MTFR1: variants seen among roughly 807,000 people sequenced by gnomAD.
MTFR1 encodes the protein chondrocyte protein with a poly-proline region.
MTFR1 carries 28 observed loss-of-function variants against 38.8 expected under a neutral mutation model. The observed-to-expected ratio is 0.72, with a 90% CI of 0.53 to 0.99. MTFR1 has a LOEUF of 0.99. MTFR1 is among the 50% of genes least tolerant of loss of function. The probability of loss-of-function intolerance (pLI) is 0.00; values close to 1 mark genes in which losing one functional copy is unlikely to be tolerated. For missense variants in MTFR1, 358 were observed against 395.5 expected (o/e 0.91, Z 0.81); for synonymous variants, 145 against 137.0 (o/e 1.06, Z -0.41).
At chr8:65,730,492 A>G (rs566944528) in intron 3 of MTFR1, among the ~76,000 whole-genome samples, 3 of 151,952 alleles carry the variant, frequency 2.0e-5, no homozygotes, top group South Asian at 2.1e-4. Flanking sequence ...CACACTTCTT[A>G]TAAGAATCTA....
chr8:65,650,210 CTTTTTTTTTTT>C (rs768949769), intron 1 of MTFR1, among the ~76,000 whole-genome samples: 2 of 114,632 alleles, frequency 1.7e-5, no homozygotes, highest in Non-Finnish European at 3.3e-5. Context: ...TCCTTATACT[CTTTTTTTTTTT>C]TTTTTTTTTT....
At chr8:65,743,578 G>A (rs1223408802) in intron 3 of MTFR1, among the ~76,000 whole-genome samples, 1 of 152,128 alleles carries the variant, frequency 6.6e-6, no homozygotes, top group Non-Finnish European at 1.5e-5. Flanking sequence ...ATAGACAAAG[G>A]TATTTCCACT....
chr8:65,674,857 A>G (rs1349062352), intron 2 of MTFR1, among the ~76,000 whole-genome samples: 1 of 152,224 alleles, frequency 6.6e-6, no homozygotes, highest in African/African-American at 2.4e-5. Context: ...CCTGAGGTTC[A>G]GAGTGTTTAA....
At chr8:65,773,873 T>C (rs1027993691), downstream of MTFR1, among the ~76,000 whole-genome samples, 11 of 152,226 alleles carry the variant, frequency 7.2e-5, no homozygotes, top group African/African-American at 2.4e-4. Context: ...TTCTCTTATT[T>C]TACTAAATTC....
At chr8:65,767,293 C>T (rs1808838703) in intron 3 of MTFR1, among the ~76,000 whole-genome samples, 1 of 152,148 alleles carries the variant, frequency 6.6e-6, no homozygotes, top group South Asian at 2.1e-4. Flanking sequence ...GATTAGTTGT[C>T]ATGATACATT....
intron 1 of MTFR1, among the ~76,000 whole-genome samples, chr8:65,658,867 G>A (rs2129048614): frequency 6.6e-6 from 1 of 152,212 alleles, no homozygotes; most frequent in African/African-American, 2.4e-5. Context: ...TTCTAAAAGA[G>A]CTTAGAAAAA....
chr8:65,675,352 T>C (rs1804682542), intron 2 of MTFR1, among the ~76,000 whole-genome samples: 2 of 151,292 alleles, frequency 1.3e-5, no homozygotes, highest in African/African-American at 4.9e-5. Flanking sequence ...TCCCAGCACT[T>C]TGGGAGGCCG....
intron 3 of MTFR1, among the ~76,000 whole-genome samples, chr8:65,684,916 A>C (rs1805024855): frequency 6.6e-6 from 1 of 152,044 alleles, no homozygotes; most frequent in Non-Finnish European, 1.5e-5. Context: ...AGGCAGGAGA[A>C]TGGCTTGAAC....
intron 6 of MTFR1, among the ~76,000 whole-genome samples, chr8:65,707,628 T>C (rs1805823229): frequency 6.6e-6 from 1 of 152,260 alleles, no homozygotes; most frequent in Non-Finnish European, 1.5e-5. Context: ...GTCCATGTTC[T>C]GCAGACATAT....
At chr8:65,747,864 G>A in intron 3 of MTFR1, 2 of 1,000,932 alleles carry the variant, frequency 2.0e-6, no homozygotes, top group South Asian at 1.7e-5. Context: ...TGCTATCTTT[G>A]CAATACCACT....
At chr8:65,652,138 C>T (rs1242758353) in intron 1 of MTFR1, among the ~76,000 whole-genome samples, 2 of 151,930 alleles carry the variant, frequency 1.3e-5, no homozygotes, top group East Asian at 1.9e-4. Context: ...CCCACTCTGT[C>T]GCCCGGGCTG....
At chr8:65,753,498 G>A (rs778563547) in intron 3 of MTFR1, among the ~76,000 whole-genome samples, 1 of 152,128 alleles carries the variant, frequency 6.6e-6, no homozygotes, top group Non-Finnish European at 1.5e-5. Flanking sequence ...TTGTACTTCA[G>A]GGTGAGCTCC....
chr8:65,732,766 G>A, intron 3 of MTFR1, among the ~76,000 whole-genome samples: 1 of 152,256 alleles, frequency 6.6e-6, no homozygotes, highest in East Asian at 1.9e-4. Context: ...TCTTGCCCTG[G>A]CCTCCCAAAG....
chr8:65,662,988 G>T (rs183655126), intron 1 of MTFR1, among the ~76,000 whole-genome samples: 28,529 of 149,224 alleles, frequency 0.19, 2,878 homozygotes, highest in Middle Eastern at 0.24. Context: ...TACTGGGAAG[G>T]GAGGAGCCCC....
chr8:65,671,568 A>G (rs1804570059), intron 2 of MTFR1, among the ~76,000 whole-genome samples: 1 of 150,548 alleles, frequency 6.6e-6, no homozygotes, highest in African/African-American at 2.4e-5. Flanking sequence ...AAAGAACTTC[A>G]CTTAGCTCAG....
Position 65,715,815 on chromosome 8 carries a change from C to T in MTFR1, c.382-3565C>T, listed in dbSNP as rs184956886. Among the ~76,000 whole-genome samples the T allele has an allele frequency of 7.7e-3, 1,150 of 150,060 alleles. 6 individuals are homozygous for T. The highest frequency in any genetic ancestry group is 0.025 in the African/African-American group (1,038 of 41,140). Reference sequence around the variant, plus strand: ...CCTGGCTAACATGGTGAAACCCTAACTCTACTAATAAAGTACAAAAAAATT... The same window carrying T: ...CCTGGCTAACATGGTGAAACCCTAATTCTACTAATAAAGTACAAAAAAATT... On this transcript the variant is annotated intron_variant, in intron 2 of 3. Coordinates refer to the MTFR1 transcript ENST00000521247.
chr8:65,644,053 G>A (rs1414604240), upstream of MTFR1, among the ~76,000 whole-genome samples: 1 of 152,108 alleles, frequency 6.6e-6, no homozygotes, highest in Non-Finnish European at 1.5e-5. Context: ...ACCCTACATA[G>A]GAATCTTTCA....
intron 1 of MTFR1, among the ~76,000 whole-genome samples, chr8:65,653,164 A>G (rs917853975): frequency 1.1e-4 from 16 of 152,232 alleles, no homozygotes; most frequent in African/African-American, 2.7e-4. Context: ...CTTTGATTGC[A>G]TCAGTATTAT....
At chr8:65,752,597 A>G (rs1177808301) in intron 3 of MTFR1, among the ~76,000 whole-genome samples, 2 of 152,214 alleles carry the variant, frequency 1.3e-5, no homozygotes, top group African/African-American at 2.4e-5. Flanking sequence ...TTCTCTTTAA[A>G]GGCCAATTAC....
Sources: gnomAD v4.1 joint callset for allele counts (sites outside exome capture counted in the v4.1 genomes callset) on GRCh38, gnomAD v4.1.1 for gene constraint, MANE v1.5 for transcripts, NCBI Gene and HGNC (gene_info 2026-07-23, HGNC 2026-07-21) for gene names.